Variants in RBFOX1 observed in about 807,000 individuals in gnomAD.
The protein encoded by RBFOX1 is RNA binding protein fox-1 homolog 1.
In RBFOX1, 8 loss-of-function variants were observed where a neutral mutation model predicts 57.7. The observed-to-expected ratio is 0.14, with a 90% CI of 0.08 to 0.25. The LOEUF is 0.25. Ranked by LOEUF, RBFOX1 falls within the 10% of genes least tolerant of loss-of-function variation. RBFOX1 has a pLI of 1.00. For missense variants in RBFOX1, 611 were observed against 548.5 expected (o/e 1.11, Z -1.14); for synonymous variants, 326 against 222.4 (o/e 1.47, Z -4.15).
intron 3 of RBFOX1, among the ~76,000 whole-genome samples, chr16:5,814,842 T>C (rs2055567641): frequency 6.6e-6 from 1 of 151,888 alleles, no homozygotes; most frequent in South Asian, 2.1e-4. Flanking sequence ...GGCAGGAGAA[T>C]GGCGTGAACC....
chr16:6,795,410 C>G (rs987678708), intron 3 of RBFOX1, among the ~76,000 whole-genome samples: 10 of 151,942 alleles, frequency 6.6e-5, no homozygotes, highest in African/African-American at 2.4e-4. Flanking sequence ...GGAGTTTTGT[C>G]CTCAAGTTAA....
intron 3 of RBFOX1, among the ~76,000 whole-genome samples, chr16:6,892,755 T>A (rs750689974): frequency 7.4e-5 from 11 of 148,186 alleles, no homozygotes; most frequent in African/African-American, 2.8e-4. Flanking sequence ...AAATGCATAT[T>A]CTCAAAGCCT....
At chr16:5,993,941 C>T (rs1331746920) in intron 4 of RBFOX1, among the ~76,000 whole-genome samples, 1 of 152,106 alleles carries the variant, frequency 6.6e-6, no homozygotes, top group Non-Finnish European at 1.5e-5. Flanking sequence ...ATTTGGATGC[C>T]TTATTGGAAG....
At chr16:7,204,205 A>G (rs950115331) in intron 4 of RBFOX1, among the ~76,000 whole-genome samples, 78 of 152,192 alleles carry the variant, frequency 5.1e-4, no homozygotes, top group Non-Finnish European at 1.8e-4. Context: ...TTCTCAATGA[A>G]CCATCTCATC....
chr16:6,673,384 T>C (rs1421808564), intron 3 of RBFOX1, among the ~76,000 whole-genome samples: 1 of 152,074 alleles, frequency 6.6e-6, no homozygotes, highest in Non-Finnish European at 1.5e-5. Flanking sequence ...GGTCAGGAGT[T>C]TGAGACCAGC....
intron 11 of RBFOX1, among the ~76,000 whole-genome samples, chr16:7,636,143 A>C (rs938151260): frequency 3.9e-5 from 6 of 152,210 alleles, no homozygotes; most frequent in Admixed American, 1.3e-4. Flanking sequence ...CTCCACAAGG[A>C]GATAGTAAAA....
At chr16:5,801,859 G>C (rs1296501597) in intron 3 of RBFOX1, among the ~76,000 whole-genome samples, 3 of 152,180 alleles carry the variant, frequency 2.0e-5, no homozygotes, top group Non-Finnish European at 4.4e-5. Context: ...AGTTTTGCTG[G>C]TTATGGAAGT....
chr16:5,391,351 C>A (rs1392181560), intron 1 of RBFOX1, among the ~76,000 whole-genome samples: 1 of 152,132 alleles, frequency 6.6e-6, no homozygotes, highest in African/African-American at 2.4e-5. Flanking sequence ...GAATCCATTT[C>A]CTTCCATTTT....
chr16:6,773,859 G>C, intron 3 of RBFOX1: 1 of 641,042 alleles, frequency 1.6e-6, no homozygotes, highest in Middle Eastern at 7.7e-4. Context: ...ATATATGTGT[G>C]GATGTAGGGT....
intron 4 of RBFOX1, among the ~76,000 whole-genome samples, chr16:7,215,970 G>A (rs937704919): frequency 3.9e-5 from 6 of 152,072 alleles, no homozygotes; most frequent in Non-Finnish European, 4.4e-5. Context: ...TGATCCGCAC[G>A]CCTCGGCCTC....
chr16:5,915,954 C>G (rs558249683), intron 4 of RBFOX1, among the ~76,000 whole-genome samples: 1 of 152,192 alleles, frequency 6.6e-6, no homozygotes, highest in Non-Finnish European at 1.5e-5. Context: ...TTATTCAGTG[C>G]ACTGCCCTAT....
rs1297114256 is a variant in RBFOX1 at position 6,020,006 on chromosome 16, G to T, written c.-127+14G>T. 3.3e-6 allele frequency: 5 copies of T among 1,513,498 alleles called. No individual in the cohort carries two copies. Among genetic ancestry groups the T allele is most frequent in the Non-Finnish European group, 4.4e-6 (5 of 1,131,876 alleles). The allele number at this position is 1,513,498 out of a possible 1,614,324, so 93.8% of individuals were successfully genotyped here. A position where few individuals can be genotyped will look rare whatever the true frequency, so the allele number is the denominator to read the frequency against. On this transcript the variant is annotated intron_variant, in intron 1 of 15. Coordinates refer to ENST00000550418, the MANE Select transcript of RBFOX1 (RefSeq NM_018723.4). ...CGGGAGTTCTAGGTAAGTCCAGGCGGAGTCATTGCCTCTGCACCCACCCTG... is the reference window on the plus strand; with the variant it reads ...CGGGAGTTCTAGGTAAGTCCAGGCGTAGTCATTGCCTCTGCACCCACCCTG...
intron 3 of RBFOX1, among the ~76,000 whole-genome samples, chr16:7,038,010 C>G (rs1568478971): frequency 6.6e-6 from 1 of 152,192 alleles, no homozygotes; most frequent in Non-Finnish European, 1.5e-5. Context: ...AACATCTTAA[C>G]TTGAAAATGT....
At chr16:6,239,485 CTTTTTTTTTTTTTT>C (rs59244306) in intron 1 of RBFOX1, among the ~76,000 whole-genome samples, 1,603 of 67,886 alleles carry the variant, frequency 0.024, 25 homozygotes, top group African/African-American at 0.061. Context: ...CCAACTGACT[CTTTTTTTTTTTTTT>C]TTTTTTTTTT....
chr16:7,438,901 C>G (rs565189352), intron 4 of RBFOX1, among the ~76,000 whole-genome samples: 1 of 152,194 alleles, frequency 6.6e-6, no homozygotes, highest in African/African-American at 2.4e-5. Context: ...TGAATCCCCC[C>G]CTTCAGCTCT....
At chr16:5,695,991 A>G (rs1168972180) in intron 3 of RBFOX1, among the ~76,000 whole-genome samples, 1 of 152,234 alleles carries the variant, frequency 6.6e-6, no homozygotes. Flanking sequence ...TTACAGTTAT[A>G]GGGAATATGA....
intron 4 of RBFOX1, among the ~76,000 whole-genome samples, chr16:7,241,348 T>C (rs1202408020): frequency 6.6e-6 from 1 of 152,192 alleles, no homozygotes; most frequent in Non-Finnish European, 1.5e-5. Flanking sequence ...CCTGGCCCGT[T>C]GGACTATCTT....
At chr16:5,697,278 C>G (rs1040859220) in intron 3 of RBFOX1, among the ~76,000 whole-genome samples, 3 of 151,894 alleles carry the variant, frequency 2.0e-5, no homozygotes, top group African/African-American at 7.2e-5. Flanking sequence ...TGTTTTCGCT[C>G]TCTCTTTCCA....
intron 1 of RBFOX1, among the ~76,000 whole-genome samples, chr16:5,458,050 ATGC>A (rs2068683479): frequency 6.6e-6 from 1 of 152,208 alleles, no homozygotes; most frequent in African/African-American, 2.4e-5. Flanking sequence ...GCAGAAAAAA[ATGC>A]TTTAAGAACA....
Sources: allele counts gnomAD v4.1 joint callset (sites outside exome capture counted in the v4.1 genomes callset), GRCh38; gene constraint gnomAD v4.1.1; transcripts MANE v1.5; gene names NCBI Gene and HGNC (gene_info 2026-07-23, HGNC 2026-07-21).